The following TMEFF2 variants were observed in gnomAD, a reference collection of about 807,000 sequenced individuals.
TMEFF2 encodes tomoregulin-2.
A neutral mutation model predicts 53.8 loss-of-function variants in TMEFF2; 28 were observed. The observed-to-expected ratio is 0.52, with a 90% CI of 0.39 to 0.71. The LOEUF (loss-of-function observed/expected upper bound fraction) is 0.71, where lower values mean the gene tolerates loss of function less well. Among genes scored for constraint, TMEFF2 ranks in the 30% least tolerant of loss-of-function variants. The pLI, the probability that TMEFF2 is intolerant of heterozygous loss-of-function variation, is 0.00. For synonymous variants in TMEFF2, 162 were observed against 166.3 expected, an observed-to-expected ratio of 0.97 and a Z score of 0.20; for missense variants, 353 against 455.2, an observed-to-expected ratio of 0.78 and a Z score of 2.04.
At chr2:191,958,999 A>G (rs1692188188) in intron 7 of TMEFF2, among the ~76,000 whole-genome samples, 1 of 152,196 alleles carries the variant, frequency 6.6e-6, no homozygotes, top group Non-Finnish European at 1.5e-5. Context: ...CTAATATCCA[A>G]ACAAACATGT....
intron 4 of TMEFF2, among the ~76,000 whole-genome samples, chr2:192,066,610 T>A (rs1477496482): frequency 6.6e-6 from 1 of 151,854 alleles, no homozygotes; most frequent in Non-Finnish European, 1.5e-5. Flanking sequence ...TGAAAAATAA[T>A]TTAAGAGATT....
At chr2:192,013,639 AG>A (rs1441728163) in intron 5 of TMEFF2, among the ~76,000 whole-genome samples, 4 of 152,146 alleles carry the variant, frequency 2.6e-5, no homozygotes, top group Non-Finnish European at 5.9e-5. Flanking sequence ...TAGTAGAGAC[AG>A]GGTTTCGCTA....
chr2:192,039,569 A>G (rs1372521795), intron 5 of TMEFF2, among the ~76,000 whole-genome samples: 1 of 152,210 alleles, frequency 6.6e-6, no homozygotes, highest in Non-Finnish European at 1.5e-5. Context: ...ATTTACAGAA[A>G]AATAAACTAT....
intron 5 of TMEFF2, among the ~76,000 whole-genome samples, chr2:192,055,603 C>T (rs942665131): frequency 1.1e-4 from 16 of 151,532 alleles, no homozygotes; most frequent in African/African-American, 3.4e-4. Flanking sequence ...GATGAAACCC[C>T]ATCTCTACTA....
chr2:192,151,056 T>C (rs1278213020), intron 4 of TMEFF2, among the ~76,000 whole-genome samples: 1 of 151,784 alleles, frequency 6.6e-6, no homozygotes, highest in Non-Finnish European at 1.5e-5. Context: ...GTTCTCAAAA[T>C]AGTGAGTGAG....
At chr2:191,958,156 C>G (rs913198043) in intron 7 of TMEFF2, among the ~76,000 whole-genome samples, 1 of 152,162 alleles carries the variant, frequency 6.6e-6, no homozygotes, top group Non-Finnish European at 1.5e-5. Context: ...CACACTATAG[C>G]GATCAAACCA....
At chr2:192,150,428 T>A (rs1690357268) in intron 4 of TMEFF2, among the ~76,000 whole-genome samples, 1 of 151,856 alleles carries the variant, frequency 6.6e-6, no homozygotes, top group African/African-American at 2.4e-5. Context: ...CCCAACACTG[T>A]CCAGTTGAAT....
chr2:192,130,670 C>T (rs1380033146), intron 4 of TMEFF2, among the ~76,000 whole-genome samples: 1 of 151,986 alleles, frequency 6.6e-6, no homozygotes, highest in Non-Finnish European at 1.5e-5. Context: ...TTTTCCATTA[C>T]CTTCCCAAAT....
chr2:192,129,228 G>A (rs1689751573), intron 4 of TMEFF2, among the ~76,000 whole-genome samples: 1 of 151,966 alleles, frequency 6.6e-6, no homozygotes, highest in South Asian at 2.1e-4. Context: ...CACATATTCT[G>A]GATTGATTTT....
chr2:192,103,553 A>C (rs1574375421), intron 4 of TMEFF2, among the ~76,000 whole-genome samples: 1 of 152,130 alleles, frequency 6.6e-6, no homozygotes, highest in East Asian at 1.9e-4. Context: ...TCTTTTGCTA[A>C]TTAGACATTA....
At chr2:192,108,239 C>A (rs1390500372) in intron 4 of TMEFF2, among the ~76,000 whole-genome samples, 1 of 151,698 alleles carries the variant, frequency 6.6e-6, no homozygotes, top group Non-Finnish European at 1.5e-5. Context: ...TTGGACAAAA[C>A]AAAATACAAC....
intron 7 of TMEFF2, among the ~76,000 whole-genome samples, chr2:191,993,985 A>T (rs1175908143): frequency 6.6e-6 from 1 of 152,036 alleles, no homozygotes; most frequent in Non-Finnish European, 1.5e-5. Context: ...GACAATAAAA[A>T]TCTAAGTTTC....
At chr2:192,038,278 C>G (rs1687380943) in intron 5 of TMEFF2, among the ~76,000 whole-genome samples, 1 of 152,114 alleles carries the variant, frequency 6.6e-6, no homozygotes, top group African/African-American at 2.4e-5. Context: ...TAAACTTAGA[C>G]AAGTTATTTA....
chr2:192,132,009 C>T (rs1335431680), intron 4 of TMEFF2, among the ~76,000 whole-genome samples: 9 of 151,756 alleles, frequency 5.9e-5, no homozygotes, highest in Non-Finnish European at 1.0e-4. Flanking sequence ...CCAAATCTTC[C>T]TTCTTTCCCT....
intron 7 of TMEFF2, among the ~76,000 whole-genome samples, chr2:191,996,051 A>G (rs1686214507): frequency 6.6e-6 from 1 of 151,940 alleles, no homozygotes; most frequent in Admixed American, 6.6e-5. Flanking sequence ...AAGAACAGTG[A>G]CACTCAACAT....
chr2:192,007,906 A>T (rs778980159), intron 5 of TMEFF2, among the ~76,000 whole-genome samples: 2 of 152,164 alleles, frequency 1.3e-5, no homozygotes, highest in Non-Finnish European at 2.9e-5. Context: ...TGAAGCACTA[A>T]GGCAAAAATG....
At chr2:192,118,879 A>G (rs922321651) in intron 4 of TMEFF2, among the ~76,000 whole-genome samples, 2 of 152,172 alleles carry the variant, frequency 1.3e-5, no homozygotes, top group Non-Finnish European at 2.9e-5. Context: ...TATTTTAAAT[A>G]TATACCAATA....
chr2:192,160,863 T>C (rs932610356), intron 4 of TMEFF2, among the ~76,000 whole-genome samples: 2 of 152,126 alleles, frequency 1.3e-5, no homozygotes, highest in Admixed American at 6.6e-5. Flanking sequence ...GCAGTAATGC[T>C]GACAGAGAAG....
Position 191,960,544 on chromosome 2 carries a change from G to T in TMEFF2, c.746-4166C>A, listed in dbSNP as rs576791353. Among the ~76,000 whole-genome samples, 16 of 152,244 alleles carry T rather than the reference G, an allele frequency of 1.1e-4. No homozygotes were observed. The East Asian group carries it at 3.1e-3, about 29-fold the overall frequency. ...TTGTGCTGTATAGACCAGAGAACTAGACCCTACCCGTTGTTCACTACAGTC... is the reference window on the plus strand; with the variant it reads ...TTGTGCTGTATAGACCAGAGAACTATACCCTACCCGTTGTTCACTACAGTC... On this transcript the variant is annotated intron_variant, in intron 7 of 9. Transcript: ENST00000272771.
Sources: gnomAD v4.1 joint callset for allele counts (sites outside exome capture counted in the v4.1 genomes callset) on GRCh38, gnomAD v4.1.1 for gene constraint, MANE v1.5 for transcripts, NCBI Gene and HGNC (gene_info 2026-07-23, HGNC 2026-07-21) for gene names.